Variants in GRIA1 observed in about 807,000 individuals in gnomAD.
GRIA1 encodes glutamate ionotropic receptor AMPA type subunit 1, also known as glutamate receptor 1.
GRIA1 carries 31 observed loss-of-function variants against 99.2 expected under a neutral mutation model. The ratio of observed to expected loss-of-function variants is 0.31; its 90% CI spans 0.23 to 0.42. The LOEUF (loss-of-function observed/expected upper bound fraction) is 0.42. Ranked by LOEUF, GRIA1 falls within the 10% of genes least tolerant of loss-of-function variation. GRIA1 has a pLI of 1.00. For missense variants in GRIA1, 782 were observed against 1,157.5 expected (o/e 0.68, Z 4.71); for synonymous variants, 438 against 432.4 (o/e 1.01, Z -0.16).
intron 2 of GRIA1, among the ~76,000 whole-genome samples, chr5:153,579,897 A>AAAC (rs1762898811): frequency 8.3e-6 from 1 of 121,020 alleles, no homozygotes; most frequent in African/African-American, 5.2e-5. Flanking sequence ...ACAAACAAAC[A>AAAC]AAAAAAAAAA....
chr5:153,629,009 T>C (rs1752731165), intron 2 of GRIA1, among the ~76,000 whole-genome samples: 1 of 152,182 alleles, frequency 6.6e-6, no homozygotes, highest in African/African-American at 2.4e-5. Flanking sequence ...TCTTTTGTTT[T>C]ACCAATGAGA....
At chr5:153,733,619 G>T (rs993907849) in intron 11 of GRIA1, among the ~76,000 whole-genome samples, 7 of 152,106 alleles carry the variant, frequency 4.6e-5, no homozygotes, top group African/African-American at 1.7e-4. Flanking sequence ...TAAGAGACTT[G>T]CTTCAGCTTT....
chr5:153,717,525 G>A (rs902727195), intron 11 of GRIA1, among the ~76,000 whole-genome samples: 24 of 2,838 alleles, frequency 8.5e-3, no homozygotes, highest in African/African-American at 0.035. Context: ...TCCTTCCTAG[G>A]TATTCATTGG....
chr5:153,609,555 C>CTT (rs3036982), intron 2 of GRIA1, among the ~76,000 whole-genome samples: 12 of 84,360 alleles, frequency 1.4e-4, no homozygotes, highest in East Asian at 1.1e-3. Context: ...AGACTCTTTT[C>CTT]TTTTTTTTTT....
At chr5:153,720,891 A>G (rs1760010634) in intron 11 of GRIA1, among the ~76,000 whole-genome samples, 1 of 152,220 alleles carries the variant, frequency 6.6e-6, no homozygotes, top group Non-Finnish European at 1.5e-5. Flanking sequence ...TATGATGTGT[A>G]TAGTCTCATT....
intron 2 of GRIA1, among the ~76,000 whole-genome samples, chr5:153,589,213 T>C (rs1465773203): frequency 1.3e-5 from 2 of 152,154 alleles, no homozygotes; most frequent in Non-Finnish European, 2.9e-5. Flanking sequence ...GGAAGGATGG[T>C]ATAGAAATTT....
intron 11 of GRIA1, among the ~76,000 whole-genome samples, chr5:153,742,775 T>G (rs549047430): frequency 2.4e-4 from 36 of 152,360 alleles, no homozygotes; most frequent in African/African-American, 8.4e-4. Flanking sequence ...TCTTCTGTCT[T>G]ACTCCTTGAG....
intron 4 of GRIA1, among the ~76,000 whole-genome samples, chr5:153,653,954 A>T (rs1048971714): frequency 2.6e-5 from 4 of 152,208 alleles, no homozygotes; most frequent in African/African-American, 9.6e-5. Flanking sequence ...AAGGCAATGC[A>T]TTGGGAATGA....
At chr5:153,584,959 A>C (rs1763343871) in intron 2 of GRIA1, among the ~76,000 whole-genome samples, 1 of 152,238 alleles carries the variant, frequency 6.6e-6, no homozygotes, top group Non-Finnish European at 1.5e-5. Flanking sequence ...AAGCTCAGAA[A>C]AGGAAAGGGT....
intron 15 of GRIA1, among the ~76,000 whole-genome samples, chr5:153,804,353 C>T (rs1287853831): frequency 1.3e-5 from 2 of 152,158 alleles, no homozygotes; most frequent in Admixed American, 1.3e-4. Flanking sequence ...CTCCTAGAAC[C>T]TACTCAAAGC....
intron 2 of GRIA1, among the ~76,000 whole-genome samples, chr5:153,590,487 A>G (rs1448085366): frequency 6.7e-6 from 1 of 150,252 alleles, no homozygotes; most frequent in Non-Finnish European, 1.5e-5. Flanking sequence ...AAAATGTGCA[A>G]ACTCAACAAG....
chr5:153,763,227 A>T (rs1239253439), intron 11 of GRIA1, among the ~76,000 whole-genome samples: 1 of 152,228 alleles, frequency 6.6e-6, no homozygotes, highest in African/African-American at 2.4e-5. Flanking sequence ...GGAATAACAC[A>T]TATAAGGTCA....
Position 153,542,185 on chromosome 5 carries a change from A to T in GRIA1, c.220+48120A>T, listed in dbSNP as rs1403403396. ...ATCCCAAAGTGCTTGATGTTCAGAG[A>T]GTAGCTCTAACCAAACTTTCCCCAT... On this transcript the variant is annotated intron_variant, in intron 2 of 15. Transcript: ENST00000285900. Among the ~76,000 whole-genome samples, 4 of 152,078 alleles carry T rather than the reference A, an allele frequency of 2.6e-5. No homozygotes were observed. The East Asian group carries it at 7.7e-4, about 29-fold the overall frequency.
At chr5:153,580,845 A>C (rs1381368749) in intron 2 of GRIA1, among the ~76,000 whole-genome samples, 1 of 152,166 alleles carries the variant, frequency 6.6e-6, no homozygotes, top group Non-Finnish European at 1.5e-5. Flanking sequence ...GTATTCAGAG[A>C]GGCATCCTGG....
intron 2 of GRIA1, among the ~76,000 whole-genome samples, chr5:153,641,066 G>A (rs952255519): frequency 5.3e-5 from 8 of 152,120 alleles, no homozygotes; most frequent in Non-Finnish European, 8.8e-5. Flanking sequence ...CAACGTTAGA[G>A]TAAGATGATG....
At chr5:153,568,232 C>T (rs116535429) in intron 2 of GRIA1, among the ~76,000 whole-genome samples, 18 of 152,236 alleles carry the variant, frequency 1.2e-4, no homozygotes, top group African/African-American at 4.3e-4. Flanking sequence ...TTTAAGAATT[C>T]CTAATATAGT....
At chr5:153,619,180 A>G (rs528296286) in intron 2 of GRIA1, among the ~76,000 whole-genome samples, 59 of 152,292 alleles carry the variant, frequency 3.9e-4, no homozygotes, top group Non-Finnish European at 7.4e-4. Flanking sequence ...AATGAAAGAA[A>G]GTGTCTCATT....
At chr5:153,714,041 G>A (rs968969223) in intron 11 of GRIA1, among the ~76,000 whole-genome samples, 1 of 152,188 alleles carries the variant, frequency 6.6e-6, no homozygotes, top group Non-Finnish European at 1.5e-5. Flanking sequence ...CGAGGATTCT[G>A]GGTGACAGGG....
intron 15 of GRIA1, among the ~76,000 whole-genome samples, chr5:153,802,695 C>T (rs932994294): frequency 2.0e-5 from 3 of 152,088 alleles, no homozygotes; most frequent in South Asian, 2.1e-4. Context: ...AGGCCAGACA[C>T]AAGGCCCAAG....
Sources: gnomAD v4.1 joint callset for allele counts (sites outside exome capture counted in the v4.1 genomes callset) on GRCh38, gnomAD v4.1.1 for gene constraint, MANE v1.5 for transcripts, NCBI Gene and HGNC (gene_info 2026-07-23, HGNC 2026-07-21) for gene names.